Variants in XRRA1 observed in about 807,000 individuals in gnomAD.
XRRA1 encodes X-ray radiation resistance-associated protein 1.
Under a neutral mutation model 80.2 loss-of-function variants are expected in XRRA1, and 69 were observed. The ratio of observed to expected loss-of-function variants is 0.86; its 90% CI spans 0.71 to 1.05. XRRA1 has a LOEUF of 1.05. XRRA1 is among the 50% of genes least tolerant of loss of function. The pLI is 0.00. For missense variants in XRRA1, 967 were observed against 976.4 expected (o/e 0.99, Z 0.13); for synonymous variants, 348 against 389.9 (o/e 0.89, Z 1.27).
intron 3 of XRRA1, among the ~76,000 whole-genome samples, chr11:74,939,885 G>C (rs1034258518): frequency 3.9e-5 from 6 of 152,174 alleles, no homozygotes; most frequent in Non-Finnish European, 8.8e-5. Flanking sequence ...GAGAGAGAGA[G>C]CGAGAGCAAG....
intron 15 of XRRA1, among the ~76,000 whole-genome samples, chr11:74,846,832 C>T (rs986663444): frequency 2.0e-5 from 3 of 151,930 alleles, no homozygotes; most frequent in Non-Finnish European, 4.4e-5. Context: ...TAAGAACAGG[C>T]ACAAGACAAG....
intron 18 of XRRA1, 188 bp from the exon 19 acceptor site, chr11:74,843,641 TC>T: frequency 1.2e-6 from 1 of 865,778 alleles, no homozygotes; most frequent in Non-Finnish European, 1.7e-6. Flanking sequence ...ATTGACTCTA[TC>T]TTAAGCCCTG....
intron 12 of XRRA1, among the ~76,000 whole-genome samples, chr11:74,852,936 G>A (rs1003416039): frequency 2.0e-5 from 3 of 152,198 alleles, no homozygotes; most frequent in African/African-American, 7.2e-5. Flanking sequence ...CCAAGGGCTG[G>A]AAGAGGGAGG....
chr11:74,932,209 AGATAG>A (rs1393306933), intron 5 of XRRA1, among the ~76,000 whole-genome samples: 3 of 152,172 alleles, frequency 2.0e-5, no homozygotes, highest in Non-Finnish European at 4.4e-5. Context: ...AACTTTTGTT[AGATAG>A]ATATTTTTAA....
At chr11:74,888,732 T>C (rs1041193151) in intron 10 of XRRA1, among the ~76,000 whole-genome samples, 2 of 152,172 alleles carry the variant, frequency 1.3e-5, no homozygotes, top group Non-Finnish European at 2.9e-5. Context: ...AAGGACCTGA[T>C]GGAGCTGAAA....
intron 10 of XRRA1, among the ~76,000 whole-genome samples, chr11:74,903,564 A>T (rs1158904872): frequency 6.6e-6 from 1 of 152,130 alleles, no homozygotes; most frequent in African/African-American, 2.4e-5. Flanking sequence ...TTAGCCGGGC[A>T]TGGTGGCGGG....
intron 10 of XRRA1, among the ~76,000 whole-genome samples, chr11:74,879,710 C>G: frequency 6.7e-6 from 1 of 149,988 alleles, no homozygotes; most frequent in African/African-American, 2.5e-5. Flanking sequence ...TTTTCTGCAT[C>G]TGTTGAGATA....
rs1047633495 is a variant in XRRA1, at chr11:74,894,427, A to G, written c.1003+11812T>C. ...CATGTTAGTCCGTTCTCACATTGCT[A>G]TAAGAACTGCCTGAGACTGAGTAAT... On this transcript the variant is annotated intron_variant, in intron 10 of 18. Coordinates refer to ENST00000684022, the MANE Select transcript of XRRA1 (RefSeq NM_001378157.1). 3.3e-5 allele frequency among the ~76,000 whole-genome samples: 5 copies of G among 152,206 alleles called. No homozygotes were observed. The South Asian group carries it at 8.3e-4, about 25-fold the overall frequency.
At chr11:74,847,790 G>A (rs2038688547) in intron 15 of XRRA1, among the ~76,000 whole-genome samples, 1 of 152,196 alleles carries the variant, frequency 6.6e-6, no homozygotes, top group African/African-American at 2.4e-5. Context: ...AAAGTGAGGA[G>A]ACCTGAAGCA....
In XRRA1 at chr11:74,907,222, T is replaced by C; in HGVS notation, c.708A>G (p.Pro236=). ...CATCCAGCATCAGTGTCTCCAGCGCTGGGAACCTCAGGATGTACCTCTTGC... is the reference window on the plus strand; with the variant it reads ...CATCCAGCATCAGTGTCTCCAGCGCCGGGAACCTCAGGATGTACCTCTTGC... The part of the protein sequence containing the change: ...LTSKRYILRF[P]ALETLMLDDN... The change falls in exon 9 of 19, where the codon CCA becomes CCG. Residue 236 remains proline, a synonymous_variant. Coordinates refer to ENST00000684022, the MANE Select transcript of XRRA1 (RefSeq NM_001378157.1). The C allele has an allele frequency of 6.2e-7, 1 of 1,614,006 alleles. No individual in the cohort carries two copies. The highest frequency in any genetic ancestry group is 8.5e-7 in the Non-Finnish European group (1 of 1,179,884).
intron 10 of XRRA1, among the ~76,000 whole-genome samples, chr11:74,871,568 C>G (rs2044774887): frequency 6.6e-6 from 1 of 152,162 alleles, no homozygotes; most frequent in African/African-American, 2.4e-5. Context: ...GGTAATGATT[C>G]CCCAAAACTA....
intron 10 of XRRA1, among the ~76,000 whole-genome samples, chr11:74,898,823 C>A (rs1377780539): frequency 3.3e-5 from 5 of 152,090 alleles, no homozygotes; most frequent in Non-Finnish European, 7.4e-5. Flanking sequence ...GACTTCAACA[C>A]CCCACTTTCA....
intron 10 of XRRA1, 200 bp from the exon 11 acceptor site, chr11:74,863,221 G>C (rs1157612064): frequency 3.2e-6 from 2 of 621,892 alleles, no homozygotes; most frequent in Non-Finnish European, 2.9e-6. Flanking sequence ...TTGCACTTAG[G>C]ATAAAATACA....
chr11:74,931,491 ATTT>A (rs146145953), intron 5 of XRRA1, among the ~76,000 whole-genome samples: 6,265 of 151,716 alleles, frequency 0.041, 134 homozygotes, highest in African/African-American at 0.058. Context: ...TGCCCAGTTA[ATTT>A]TTTTATTTTT....
intron 10 of XRRA1, among the ~76,000 whole-genome samples, chr11:74,894,976 T>A (rs1175614289): frequency 2.0e-5 from 3 of 152,002 alleles, no homozygotes; most frequent in Non-Finnish European, 4.4e-5. Flanking sequence ...AAAACAAATA[T>A]CAGTAACCAA....
At chr11:74,943,103 A>G (rs971215648) in intron 2 of XRRA1, among the ~76,000 whole-genome samples, 1 of 152,234 alleles carries the variant, frequency 6.6e-6, no homozygotes, top group Non-Finnish European at 1.5e-5. Context: ...TAAAAAGAGC[A>G]CAAAAGAAAT....
chr11:74,924,678 C>T (rs532889484), intron 7 of XRRA1, among the ~76,000 whole-genome samples: 2 of 151,876 alleles, frequency 1.3e-5, no homozygotes, highest in Admixed American at 6.6e-5. Flanking sequence ...ACCAAAAATA[C>T]AAAAATTAGC....
intron 3 of XRRA1, among the ~76,000 whole-genome samples, chr11:74,937,729 GTTCT>G (rs761213774): frequency 1.3e-5 from 2 of 152,316 alleles, no homozygotes; most frequent in East Asian, 1.9e-4. Flanking sequence ...TTTGGAATCT[GTTCT>G]TTCTCGCACC....
At chr11:74,887,480 C>T (rs886767349) in intron 10 of XRRA1, among the ~76,000 whole-genome samples, 1 of 152,214 alleles carries the variant, frequency 6.6e-6, no homozygotes, top group Non-Finnish European at 1.5e-5. Flanking sequence ...CTCCAGTCTA[C>T]AGCTCCCAGC....
Sources: gnomAD v4.1 joint callset for allele counts (sites outside exome capture counted in the v4.1 genomes callset) on GRCh38, gnomAD v4.1.1 for gene constraint, MANE v1.5 for transcripts, NCBI Gene and HGNC (gene_info 2026-07-23, HGNC 2026-07-21) for gene names.